PRORP: variants seen among roughly 807,000 people sequenced by gnomAD.
PRORP encodes mitochondrial ribonuclease P catalytic subunit.
Under a neutral mutation model 59.4 loss-of-function variants are expected in PRORP, and 51 were observed. That is an observed-to-expected ratio of 0.86 (90% confidence interval 0.69 to 1.08). The LOEUF (loss-of-function observed/expected upper bound fraction) is 1.08, where lower values mean the gene tolerates loss of function less well. Among genes scored for constraint, PRORP ranks in the 50% least tolerant of loss-of-function variants. PRORP has a pLI of 0.00. For synonymous variants in PRORP, 231 were observed against 245.6 expected (o/e 0.94, Z 0.55); for missense variants, 646 against 690.3 (o/e 0.94, Z 0.72).
intron 4 of PRORP, among the ~76,000 whole-genome samples, chr14:35,148,508 C>A (rs2047665003): frequency 6.6e-6 from 1 of 152,070 alleles, no homozygotes; most frequent in African/African-American, 2.4e-5. Flanking sequence ...AGGCTTTGTT[C>A]CATTGATAGA....
intron 5 of PRORP, among the ~76,000 whole-genome samples, chr14:35,204,252 T>A (rs578227273): frequency 1.4e-4 from 21 of 151,852 alleles, no homozygotes; most frequent in Non-Finnish European, 2.1e-4. Flanking sequence ...AAGAAAGAAA[T>A]GAGAAAAAAA....
chr14:35,127,204 A>G (rs964361912), intron 3 of PRORP, among the ~76,000 whole-genome samples: 6 of 152,262 alleles, frequency 3.9e-5, no homozygotes, highest in African/African-American at 1.4e-4. Flanking sequence ...CATCCTGGCC[A>G]ACATGTTGAA....
intron 6 of PRORP, among the ~76,000 whole-genome samples, chr14:35,269,139 C>T (rs1002394183): frequency 2.0e-5 from 3 of 152,118 alleles, no homozygotes; most frequent in Non-Finnish European, 4.4e-5. Context: ...AAGGTTTTTC[C>T]TTTCTCTCTG....
chr14:35,208,992 C>A (rs920418817), intron 5 of PRORP, among the ~76,000 whole-genome samples: 11 of 152,110 alleles, frequency 7.2e-5, no homozygotes, highest in Admixed American at 5.9e-4. Context: ...GATTGCACAA[C>A]TGCACTCTAG....
rs754948954 is a variant in PRORP, at chr14:35,273,493, A to G, written c.1679A>G (p.Tyr560Cys). The change falls in exon 8 of 8, where the codon TAT becomes TGT. Residue 560 changes from tyrosine (Y) to cysteine (C), a missense_variant. Tyr to Cys is a radical substitution (Grantham distance 194). Transcript: ENST00000534898. ...ACTGGAGACTCGTGGCACATACCAT[A>G]TGATGAAGACTTGGTAGAAAGATGT... ...QTTGDSWHIP[Y>C]DEDLVERCSC... 6.2e-7 allele frequency: 1 copy of G among 1,613,706 alleles called. No homozygotes were observed. The highest frequency in any genetic ancestry group is 1.1e-5 in the South Asian group (1 of 90,968).
At chr14:35,256,418 G>A (rs1449141735) in intron 5 of PRORP, among the ~76,000 whole-genome samples, 1 of 117,284 alleles carries the variant, frequency 8.5e-6, no homozygotes, top group Non-Finnish European at 1.6e-5. Flanking sequence ...TGCAGCCTCC[G>A]CCTCCTGGGC....
intron 5 of PRORP, chr14:35,262,751 C>A: frequency 9.8e-7 from 1 of 1,016,214 alleles, no homozygotes; most frequent in Non-Finnish European, 1.6e-6. Flanking sequence ...TGTATGCTCA[C>A]TTCCCCATCA....
At chr14:35,165,396 T>C (rs2048159124) in intron 4 of PRORP, among the ~76,000 whole-genome samples, 1 of 152,166 alleles carries the variant, frequency 6.6e-6, no homozygotes, top group Non-Finnish European at 1.5e-5. Flanking sequence ...TTTTCTATGC[T>C]TTATTCTCCT....
At chr14:35,147,005 G>C (rs900894999) in intron 4 of PRORP, among the ~76,000 whole-genome samples, 1 of 152,090 alleles carries the variant, frequency 6.6e-6, no homozygotes, top group African/African-American at 2.4e-5. Context: ...GGCTGAGTTT[G>C]TAGGATCACT....
At chr14:35,253,429 AAAG>A (rs535627395) in intron 5 of PRORP, among the ~76,000 whole-genome samples, 191 of 151,860 alleles carry the variant, frequency 1.3e-3, no homozygotes, top group Non-Finnish European at 2.4e-3. Flanking sequence ...AGAAAAGAAA[AAAG>A]AAACACACAC....
In PRORP at chr14:35,210,750, CTTTTTTTTTTTTTT is replaced by C. The variant is rs71435870; in HGVS notation, c.1275+29992_1275+30005del. Among the ~76,000 whole-genome samples, 65 of 34,084 alleles carry C rather than the reference CTTTTTTTTTTTTTT, an allele frequency of 1.9e-3. 1 individual carries two copies. Among genetic ancestry groups the C allele is most frequent in the Non-Finnish European group, 2.6e-3 (53 of 20,186 alleles). 22.4% of individuals were successfully genotyped at this position (34,084 alleles called of 152,430 possible). On this transcript the variant is annotated intron_variant, in intron 5 of 7. Transcript: ENST00000534898. Reference sequence around the variant, plus strand: ...TTTTCCTTTTCTTCTTTTCTTTTGCCTTTTTTTTTTTTTTTTTTTTTTTTTTTTTTTTAAGACAA... The same window carrying C: ...TTTTCCTTTTCTTCTTTTCTTTTGCCTTTTTTTTTTTTTTTTTTAAGACAA...
At chr14:35,136,841 A>G (rs1482506048) in intron 4 of PRORP, among the ~76,000 whole-genome samples, 1 of 145,480 alleles carries the variant, frequency 6.9e-6, no homozygotes, top group Non-Finnish European at 1.5e-5. Flanking sequence ...GGCTCAATTC[A>G]CAACTTGGTG....
At chr14:35,266,985 C>G (rs995755305) in intron 6 of PRORP, 110 bp downstream of exon 6, 3 of 949,788 alleles carry the variant, frequency 3.2e-6, no homozygotes, top group African/African-American at 3.9e-5. Context: ...TGTATACTCA[C>G]CCTCATTAAA....
intron 4 of PRORP, among the ~76,000 whole-genome samples, chr14:35,160,514 A>T (rs1056013099): frequency 1.3e-5 from 2 of 152,136 alleles, no homozygotes; most frequent in Admixed American, 1.3e-4. Context: ...AATTGCCCAA[A>T]CTATTTTCTT....
chr14:35,184,522 A>T (rs10137674), intron 5 of PRORP, among the ~76,000 whole-genome samples: 93,656 of 151,664 alleles, frequency 0.62, 29,127 homozygotes, highest in East Asian at 0.69. Context: ...AATCTTTTTT[A>T]AAAAACTTTT....
At position 35,227,169 on chromosome 14, in the gene PRORP, C is replaced by T. The variant is rs147662441; in HGVS notation, c.1276-39558C>T. 3.1e-3 allele frequency among the ~76,000 whole-genome samples: 469 copies of T among 151,880 alleles called. 4 individuals carry two copies. Among genetic ancestry groups the T allele is most frequent in the African/African-American group, 0.011 (452 of 41,426 alleles). On this transcript the variant is annotated intron_variant, in intron 5 of 7. Coordinates refer to ENST00000534898, the MANE Select transcript of PRORP (RefSeq NM_014672.4). ...TTCCTTAAAAGTTATGTTAGCCAGG[C>T]GCGGTGGCTCATGCCTGTAATCCCA...
upstream of PRORP, chr14:35,121,877 A>G (rs370445752): frequency 1.9e-4 from 299 of 1,613,500 alleles, no homozygotes; most frequent in Non-Finnish European, 2.4e-4. Context: ...GGCCATCCCA[A>G]CGGGCTGCCC....
chr14:35,168,846 T>C (rs914245901), intron 4 of PRORP, among the ~76,000 whole-genome samples: 1 of 152,176 alleles, frequency 6.6e-6, no homozygotes. Flanking sequence ...TTTCCTGTTT[T>C]CTTCTAGAAT....
intron 5 of PRORP, among the ~76,000 whole-genome samples, chr14:35,248,543 G>A (rs2050539006): frequency 6.6e-6 from 1 of 152,198 alleles, no homozygotes; most frequent in Non-Finnish European, 1.5e-5. Flanking sequence ...AATAAATCAT[G>A]ATCTCTTTCT....
Sources: gnomAD v4.1 joint callset for allele counts (sites outside exome capture counted in the v4.1 genomes callset) on GRCh38, gnomAD v4.1.1 for gene constraint, MANE v1.5 for transcripts, NCBI Gene and HGNC (gene_info 2026-07-23, HGNC 2026-07-21) for gene names.